Variants in SGK3 observed in about 807,000 individuals in gnomAD.
SGK3 encodes the protein serine/threonine-protein kinase Sgk3.
In SGK3, 47 loss-of-function variants were observed where a neutral mutation model predicts 68.5. The ratio of observed to expected loss-of-function variants is 0.69; its 90% CI spans 0.54 to 0.87. The LOEUF is 0.87. SGK3 is among the 40% of genes least tolerant of loss of function. The pLI, the probability that SGK3 is intolerant of heterozygous loss-of-function variation, is 0.00. For missense variants in SGK3, 479 were observed against 575.5 expected (o/e 0.83, Z 1.72); for synonymous variants, 181 against 189.1 (o/e 0.96, Z 0.35).
chr8:66,763,023 C>G (rs1184691817), intron 1 of SGK3, among the ~76,000 whole-genome samples: 1 of 152,260 alleles, frequency 6.6e-6, no homozygotes, highest in Non-Finnish European at 1.5e-5. Flanking sequence ...CATTGATCAT[C>G]ATTGCCTACG....
intron 3 of SGK3, among the ~76,000 whole-genome samples, chr8:66,802,418 G>C (rs1424907099): frequency 1.3e-5 from 2 of 152,126 alleles, no homozygotes; most frequent in Non-Finnish European, 2.9e-5. Context: ...GCCAGGAACA[G>C]TGGCTCACAA....
At chr8:66,744,229 G>C (rs542368849) in intron 1 of SGK3, among the ~76,000 whole-genome samples, 5 of 151,810 alleles carry the variant, frequency 3.3e-5, no homozygotes, top group East Asian at 1.9e-4. Context: ...TAGACTTTTA[G>C]AGGCATTGCT....
At chr8:66,746,643 T>C (rs146159018) in intron 1 of SGK3, among the ~76,000 whole-genome samples, 1 of 152,198 alleles carries the variant, frequency 6.6e-6, no homozygotes, top group East Asian at 1.9e-4. Flanking sequence ...AGCTCTGAAC[T>C]CTTGGGCTCA....
At chr8:66,763,906 G>C (rs1440664426) in intron 1 of SGK3, among the ~76,000 whole-genome samples, 1 of 152,118 alleles carries the variant, frequency 6.6e-6, no homozygotes, top group African/African-American at 2.4e-5. Context: ...GTCTTGCTCT[G>C]TTGCCCAGAC....
intron 5 of SGK3, among the ~76,000 whole-genome samples, chr8:66,819,270 T>C (rs1386409255): frequency 6.6e-6 from 1 of 152,200 alleles, no homozygotes; most frequent in Non-Finnish European, 1.5e-5. Context: ...CATATACTGC[T>C]AGAAGAGTAT....
intron 1 of SGK3, among the ~76,000 whole-genome samples, chr8:66,749,181 G>A (rs1407423056): frequency 3.3e-5 from 5 of 152,128 alleles, no homozygotes; most frequent in Non-Finnish European, 2.9e-5. Context: ...GTCAATATAC[G>A]TCAAAATGGG....
At chr8:66,724,531 G>A (rs1015204737) in intron 1 of SGK3, among the ~76,000 whole-genome samples, 13 of 152,232 alleles carry the variant, frequency 8.5e-5, no homozygotes, top group African/African-American at 2.4e-4. Flanking sequence ...AGCTGAGATC[G>A]CACCACTGCA....
At chr8:66,790,035 G>A (rs951380707) in intron 1 of SGK3, among the ~76,000 whole-genome samples, 5 of 151,960 alleles carry the variant, frequency 3.3e-5, no homozygotes, top group African/African-American at 9.7e-5. Flanking sequence ...CCAAGATTGC[G>A]CCACTGCACT....
At chr8:66,732,332 A>C (rs1805180679) in intron 1 of SGK3, among the ~76,000 whole-genome samples, 1 of 152,096 alleles carries the variant, frequency 6.6e-6, no homozygotes, top group Admixed American at 6.6e-5. Flanking sequence ...ATATAATTTA[A>C]CTTTGCTTAG....
chr8:66,748,999 A>T (rs1350864065), intron 1 of SGK3, among the ~76,000 whole-genome samples: 1 of 152,038 alleles, frequency 6.6e-6, no homozygotes, highest in East Asian at 1.9e-4. Flanking sequence ...GGCTCAAGCG[A>T]TCCTCCCATC....
intron 1 of SGK3, among the ~76,000 whole-genome samples, chr8:66,773,880 C>T (rs1282013102): frequency 6.6e-6 from 1 of 151,696 alleles, no homozygotes; most frequent in African/African-American, 2.4e-5. Context: ...GACTGTTGGT[C>T]AAAAAAAGAA....
chr8:66,812,248 A>G (rs976871273), intron 4 of SGK3, among the ~76,000 whole-genome samples: 8 of 152,098 alleles, frequency 5.3e-5, no homozygotes, highest in African/African-American at 1.9e-4. Context: ...CAAATGTGTT[A>G]AGTTTTTAGA....
intron 14 of SGK3, among the ~76,000 whole-genome samples, chr8:66,844,262 CTTTTA>C (rs1809918831): frequency 6.6e-6 from 1 of 151,840 alleles, no homozygotes; most frequent in East Asian, 1.9e-4. Context: ...TGGTTTTTGC[CTTTTA>C]TTTTGTTTAA....
chr8:66,834,887 C>A (rs1270674663), intron 8 of SGK3, among the ~76,000 whole-genome samples: 7 of 149,808 alleles, frequency 4.7e-5, no homozygotes, highest in African/African-American at 1.7e-4. Flanking sequence ...TTGCAGTGAG[C>A]CGAGATCGCG....
intron 1 of SGK3, among the ~76,000 whole-genome samples, chr8:66,734,836 A>T (rs1805271374): frequency 6.6e-6 from 1 of 151,818 alleles, no homozygotes; most frequent in South Asian, 2.1e-4. Context: ...AATCCCAGCT[A>T]CTCAGGAGGC....
chr8:66,773,547 TTAAC>T (rs1250375334), intron 1 of SGK3, among the ~76,000 whole-genome samples: 6 of 152,190 alleles, frequency 3.9e-5, no homozygotes, highest in Admixed American at 3.3e-4. Context: ...CAGTAAGAGA[TTAAC>T]TACCATAACT....
intron 4 of SGK3, among the ~76,000 whole-genome samples, chr8:66,813,107 A>C (rs1484318542): frequency 6.6e-6 from 1 of 152,064 alleles, no homozygotes; most frequent in East Asian, 1.9e-4. Context: ...TACAAAAATT[A>C]GCCAGGCATG....
intron 8 of SGK3, 75 bp downstream of exon 8, chr8:66,831,386 G>A: frequency 6.4e-7 from 1 of 1,558,574 alleles, no homozygotes; most frequent in Non-Finnish European, 8.8e-7. Context: ...TCACTCTGTT[G>A]TCCAGGCTGG....
At chr8:66,805,814 C>G (rs1394494665) in intron 4 of SGK3, among the ~76,000 whole-genome samples, 1 of 152,188 alleles carries the variant, frequency 6.6e-6, no homozygotes, top group East Asian at 1.9e-4. Context: ...ACTGGTTAAA[C>G]TGATAATACC....
Sources: allele counts gnomAD v4.1 joint callset (sites outside exome capture counted in the v4.1 genomes callset), GRCh38; gene constraint gnomAD v4.1.1; transcripts MANE v1.5; gene names NCBI Gene and HGNC (gene_info 2026-07-23, HGNC 2026-07-21).